RBFOX2: variants seen among roughly 807,000 people sequenced by gnomAD.
RBFOX2 encodes the protein RNA binding protein fox-1 homolog 2.
Under a neutral mutation model 49.1 loss-of-function variants are expected in RBFOX2, and 10 were observed. The observed-to-expected ratio is 0.20, with a 90% CI of 0.13 to 0.35. RBFOX2 has a LOEUF of 0.35. RBFOX2 is among the 10% of genes least tolerant of loss of function. The probability of loss-of-function intolerance (pLI) is 1.00; values close to 1 mark genes in which losing one functional copy is unlikely to be tolerated. For missense variants in RBFOX2, 323 were observed against 486.9 expected, an observed-to-expected ratio of 0.66 and a Z score of 3.17; for synonymous variants, 183 against 187.4, an observed-to-expected ratio of 0.98 and a Z score of 0.19.
chr22:35,806,200 T>C (rs920689755), intron 2 of RBFOX2, among the ~76,000 whole-genome samples: 3 of 151,898 alleles, frequency 2.0e-5, no homozygotes, highest in African/African-American at 7.3e-5. Flanking sequence ...ATGTTGTTAG[T>C]GGGGGAGGCC....
chr22:35,873,292 C>A (rs2044600116), intron 1 of RBFOX2, among the ~76,000 whole-genome samples: 1 of 152,018 alleles, frequency 6.6e-6, no homozygotes, highest in Non-Finnish European at 1.5e-5. Flanking sequence ...CCACCACGCC[C>A]AGCTGATTTT....
In RBFOX2 at chr22:35,988,527, C is replaced by T. The variant is rs539063929; in HGVS notation, c.186+39713G>A. ...TCTTAGAAATTCAGTAAAAGATTCC[C>T]AAAGGTTTATTAAGACCAATAAACC... On this transcript the variant is annotated intron_variant, in intron 1 of 13. Coordinates refer to the RBFOX2 transcript ENST00000438146. Among the ~76,000 whole-genome samples, 3 of 152,062 alleles carry T rather than the reference C, an allele frequency of 2.0e-5. No individual in the cohort carries two copies. The South Asian group carries it at 6.2e-4, about 32-fold the overall frequency.
chr22:35,786,737 T>C (rs2147315169), intron 2 of RBFOX2, among the ~76,000 whole-genome samples: 1 of 152,334 alleles, frequency 6.6e-6, no homozygotes, highest in African/African-American at 2.4e-5. Context: ...GGTACTACCA[T>C]TATCTCCAAC....
intron 1 of RBFOX2, among the ~76,000 whole-genome samples, chr22:35,972,650 A>T (rs1190712531): frequency 1.3e-5 from 2 of 152,216 alleles, no homozygotes; most frequent in Non-Finnish European, 2.9e-5. Context: ...ATAAAACATA[A>T]GAGTACACAC....
intron 11 of RBFOX2, 30 bp from the exon 14 acceptor site, chr22:35,744,279 A>C (rs763753733): frequency 6.3e-7 from 1 of 1,590,504 alleles, no homozygotes; most frequent in African/African-American, 1.3e-5. Context: ...AAAAATAATT[A>C]AAAGGTTGAT....
chr22:35,808,509 C>T (rs556744085), intron 2 of RBFOX2, among the ~76,000 whole-genome samples: 37 of 152,138 alleles, frequency 2.4e-4, no homozygotes, highest in Admixed American at 7.9e-4. Context: ...AACGACAGAG[C>T]TAGGTCTTTC....
chr22:35,790,719 ATTTCATAATTAAAAGTTTTGG>A (rs1947423881), intron 2 of RBFOX2, among the ~76,000 whole-genome samples: 1 of 152,148 alleles, frequency 6.6e-6, no homozygotes, highest in Admixed American at 6.5e-5. Flanking sequence ...ATCTAAAATA[ATTTCATAATTAAAAGTTTTGG>A]CTGGGTGCAA....
intron 1 of RBFOX2, among the ~76,000 whole-genome samples, chr22:35,889,151 T>C (rs1395866693): frequency 6.6e-6 from 1 of 151,988 alleles, no homozygotes; most frequent in African/African-American, 2.4e-5. Flanking sequence ...CAAGACTCCA[T>C]CTCAAAAAGG....
At chr22:35,821,185 G>A (rs1954375079) in intron 1 of RBFOX2, among the ~76,000 whole-genome samples, 1 of 152,122 alleles carries the variant, frequency 6.6e-6, no homozygotes, top group Non-Finnish European at 1.5e-5. Context: ...ATCTTTGATA[G>A]TTATTTCCAG....
At chr22:36,003,545 T>C (rs1030756276) in intron 1 of RBFOX2, among the ~76,000 whole-genome samples, 4 of 152,190 alleles carry the variant, frequency 2.6e-5, no homozygotes. Flanking sequence ...AGAACAGATA[T>C]TGGAGGTGGT....
intron 2 of RBFOX2, among the ~76,000 whole-genome samples, chr22:35,790,225 T>C (rs1341907767): frequency 1.3e-5 from 2 of 152,260 alleles, no homozygotes; most frequent in Non-Finnish European, 2.9e-5. Flanking sequence ...AGCTGACATG[T>C]ATATTCTAGG....
At chr22:35,813,499 T>C (rs1952343931) in intron 1 of RBFOX2, among the ~76,000 whole-genome samples, 1 of 152,220 alleles carries the variant, frequency 6.6e-6, no homozygotes. Context: ...CTAGACAGAA[T>C]AGCTCTTTTC....
At chr22:35,950,160 G>A (rs147094182) in intron 1 of RBFOX2, among the ~76,000 whole-genome samples, 2 of 138,372 alleles carry the variant, frequency 1.4e-5, no homozygotes, top group Non-Finnish European at 3.1e-5. Context: ...AGGTTCCTTA[G>A]ATCTCTCTCC....
intron 2 of RBFOX2, among the ~76,000 whole-genome samples, chr22:35,787,813 T>C (rs1946730847): frequency 6.6e-6 from 1 of 152,222 alleles, no homozygotes; most frequent in Admixed American, 6.5e-5. Context: ...GTTTTCCCTT[T>C]TGTGGTCATT....
intron 2 of RBFOX2, among the ~76,000 whole-genome samples, chr22:35,801,884 G>A (rs993461699): frequency 6.6e-6 from 1 of 151,988 alleles, no homozygotes; most frequent in Admixed American, 6.6e-5. Context: ...TTCAACCAGA[G>A]CATCCTAAAA....
chr22:35,894,534 C>A (rs544230391), intron 1 of RBFOX2, among the ~76,000 whole-genome samples: 2 of 152,172 alleles, frequency 1.3e-5, no homozygotes, highest in African/African-American at 4.8e-5. Flanking sequence ...ACTTCACCTG[C>A]CCCACTTGCC....
chr22:35,797,505 CT>C (rs1949001388), intron 2 of RBFOX2, among the ~76,000 whole-genome samples: 1 of 152,100 alleles, frequency 6.6e-6, no homozygotes, highest in South Asian at 2.1e-4. Flanking sequence ...AAAATTAATA[CT>C]TTTTACTGCT....
At chr22:35,935,784 T>G (rs1215718272) in intron 1 of RBFOX2, among the ~76,000 whole-genome samples, 2 of 152,152 alleles carry the variant, frequency 1.3e-5, no homozygotes, top group Non-Finnish European at 2.9e-5. Flanking sequence ...AAGGGGAAAT[T>G]TCAGCTCTTA....
chr22:35,841,492 T>C (rs73885447), upstream of RBFOX2, among the ~76,000 whole-genome samples: 1,139 of 152,240 alleles, frequency 7.5e-3, 15 homozygotes, highest in African/African-American at 0.026. Flanking sequence ...ACTTCATAAT[T>C]TCCCTATTTT....
Sources: allele counts gnomAD v4.1 joint callset (sites outside exome capture counted in the v4.1 genomes callset), GRCh38; gene constraint gnomAD v4.1.1; transcripts MANE v1.5; gene names NCBI Gene and HGNC (gene_info 2026-07-23, HGNC 2026-07-21).